Variants in CACNB2 observed in about 807,000 individuals in gnomAD.
CACNB2 encodes the protein voltage-dependent L-type calcium channel subunit beta-2.
CACNB2 carries 42 observed loss-of-function variants against 73.3 expected under a neutral mutation model. The ratio of observed to expected loss-of-function variants is 0.57; its 90% confidence interval spans 0.45 to 0.74. CACNB2 has a LOEUF of 0.74. Among genes scored for constraint, CACNB2 ranks in the 30% least tolerant of loss-of-function variants. The pLI is 0.00. For missense variants in CACNB2, 940 were observed against 853.0 expected, an observed-to-expected ratio of 1.10 and a Z score of -1.27; for synonymous variants, 348 against 310.3, an observed-to-expected ratio of 1.12 and a Z score of -1.28.
chr10:18,422,897 T>A (rs1374652605), intron 3 of CACNB2, among the ~76,000 whole-genome samples: 1 of 152,128 alleles, frequency 6.6e-6, no homozygotes, highest in Non-Finnish European at 1.5e-5. Flanking sequence ...GGGGTTTCAC[T>A]ATGTTGGTCA....
intron 3 of CACNB2, among the ~76,000 whole-genome samples, chr10:18,469,331 T>C (rs1190992668): frequency 6.6e-6 from 1 of 152,236 alleles, no homozygotes; most frequent in East Asian, 1.9e-4. Flanking sequence ...ATTGGATGGG[T>C]TGGTTTTTAT....
At chr10:18,373,843 C>T (rs987186444) in intron 2 of CACNB2, among the ~76,000 whole-genome samples, 3 of 152,108 alleles carry the variant, frequency 2.0e-5, no homozygotes, top group East Asian at 1.9e-4. Flanking sequence ...GTGCTTGTAC[C>T]GGTTCTCTCT....
chr10:18,423,798 C>T (rs2132745111), intron 3 of CACNB2, among the ~76,000 whole-genome samples: 1 of 152,254 alleles, frequency 6.6e-6, no homozygotes. Flanking sequence ...TATGGGAATA[C>T]AGCTGAAGAA....
chr10:18,472,194 T>A (rs1393338059), intron 3 of CACNB2, among the ~76,000 whole-genome samples: 3 of 151,188 alleles, frequency 2.0e-5, no homozygotes, highest in African/African-American at 7.3e-5. Context: ...GAGTCTCAAT[T>A]CCTTTAATAT....
chr10:18,294,898 T>C (rs753708892), intron 2 of CACNB2, among the ~76,000 whole-genome samples: 2 of 152,216 alleles, frequency 1.3e-5, no homozygotes, highest in African/African-American at 4.8e-5. Flanking sequence ...AATTCTGACA[T>C]GTAGGAACTT....
intron 2 of CACNB2, among the ~76,000 whole-genome samples, chr10:18,353,549 TC>T (rs2041799653): frequency 2.0e-5 from 3 of 152,236 alleles, no homozygotes; most frequent in Non-Finnish European, 4.4e-5. Flanking sequence ...AAGCATTTCT[TC>T]ACAGTTCGCC....
At chr10:18,466,846 AAAT>A in intron 3 of CACNB2, among the ~76,000 whole-genome samples, 1 of 152,094 alleles carries the variant, frequency 6.6e-6, no homozygotes, top group Non-Finnish European at 1.5e-5. Context: ...AATAATGTGG[AAAT>A]AATGTTTTCA....
intron 2 of CACNB2, among the ~76,000 whole-genome samples, chr10:18,235,518 A>C (rs2036406179): frequency 6.6e-6 from 1 of 152,186 alleles, no homozygotes; most frequent in Non-Finnish European, 1.5e-5. Context: ...TATATTTAGC[A>C]ATAATAATAA....
intron 3 of CACNB2, among the ~76,000 whole-genome samples, chr10:18,408,484 C>T (rs943140440): frequency 1.2e-4 from 18 of 151,954 alleles, no homozygotes; most frequent in African/African-American, 4.1e-4. Context: ...AGTGATCTGC[C>T]CACCTTGGAC....
At chr10:18,431,972 C>T (rs1291433070) in intron 3 of CACNB2, among the ~76,000 whole-genome samples, 2 of 152,130 alleles carry the variant, frequency 1.3e-5, no homozygotes, top group Admixed American at 6.6e-5. Flanking sequence ...ACCATATTGG[C>T]CAGGCTGGTC....
intron 2 of CACNB2, among the ~76,000 whole-genome samples, chr10:18,396,706 G>A (rs138536559): frequency 1.3e-3 from 202 of 152,256 alleles, no homozygotes; most frequent in African/African-American, 4.3e-3. Context: ...CCTGACCACA[G>A]GTGATCCACC....
chr10:18,416,441 A>G (rs192041827), intron 3 of CACNB2, among the ~76,000 whole-genome samples: 1 of 152,232 alleles, frequency 6.6e-6, no homozygotes, highest in Non-Finnish European at 1.5e-5. Flanking sequence ...TTTTGAGACA[A>G]AGTCTCACTC....
At chr10:18,258,990 C>G (rs924756851) in intron 2 of CACNB2, among the ~76,000 whole-genome samples, 1 of 151,578 alleles carries the variant, frequency 6.6e-6, no homozygotes, top group Non-Finnish European at 1.5e-5. Context: ...CTAAAGTGTC[C>G]TTATTTTCTG....
intron 4 of CACNB2, among the ~76,000 whole-genome samples, chr10:18,500,380 G>A (rs1004446172): frequency 2.6e-5 from 4 of 152,154 alleles, no homozygotes; most frequent in Non-Finnish European, 5.9e-5. Context: ...AAATTGTCCT[G>A]TGACATGAAA....
chr10:18,222,854 T>G (rs905677859), intron 2 of CACNB2, among the ~76,000 whole-genome samples: 2 of 152,182 alleles, frequency 1.3e-5, no homozygotes, highest in African/African-American at 4.8e-5. Context: ...GGAGAATTTC[T>G]TGAACCCAGG....
chr10:18,205,272 A>C (rs1308994799), intron 2 of CACNB2, among the ~76,000 whole-genome samples: 1 of 152,156 alleles, frequency 6.6e-6, no homozygotes, highest in African/African-American at 2.4e-5. Flanking sequence ...TGCTAGCCTC[A>C]GTTTTCTCAT....
chr10:18,264,832 A>G (rs879291098), intron 2 of CACNB2, among the ~76,000 whole-genome samples: 24 of 152,316 alleles, frequency 1.6e-4, no homozygotes, highest in African/African-American at 5.1e-4. Context: ...TGTTATAAAC[A>G]GTTGGGACAT....
chr10:18,271,126 T>C (rs1381120160), intron 2 of CACNB2, among the ~76,000 whole-genome samples: 1 of 152,218 alleles, frequency 6.6e-6, no homozygotes, highest in Admixed American at 6.5e-5. Context: ...GTATAAGTGT[T>C]CCTTGGTCTC....
intron 2 of CACNB2, chr10:18,400,557 G>A: frequency 9.8e-7 from 1 of 1,019,194 alleles, no homozygotes; most frequent in Non-Finnish European, 1.2e-6. Context: ...TCCTCCCTCC[G>A]CCTCCCCCCT....
Sources: allele counts gnomAD v4.1 joint callset (sites outside exome capture counted in the v4.1 genomes callset), GRCh38; gene constraint gnomAD v4.1.1; transcripts MANE v1.5; gene names NCBI Gene and HGNC (gene_info 2026-07-23, HGNC 2026-07-21).